Variants in DMXL1 observed in about 807,000 individuals in gnomAD.
The protein encoded by DMXL1 is dmX-like protein 1.
DMXL1 carries 99 observed loss-of-function variants against 319.2 expected under a neutral mutation model. That is an observed-to-expected ratio of 0.31 (90% CI 0.26 to 0.37). The LOEUF (loss-of-function observed/expected upper bound fraction) is 0.37. Among genes scored for constraint, DMXL1 ranks in the 10% least tolerant of loss-of-function variants. DMXL1 has a pLI of 1.00. For synonymous variants in DMXL1, 1,385 were observed against 1,235.2 expected (o/e 1.12, Z -2.54); for missense variants, 3,745 against 3,595.6 (o/e 1.04, Z -1.06).
rs1384720176 is a variant in DMXL1, at chr5:119,071,522, C to T, written c.-48C>T. On this transcript the variant is annotated 5_prime_UTR_variant, in exon 1 of 44. Transcript: ENST00000539542. ...GGAGGGAGGGAAGCAGCCGCTGACC[C>T]GTGGCATGAGCTGGATGCGGTGTCC... 13 of 1,544,892 alleles carry T rather than the reference C, an allele frequency of 8.4e-6. No homozygotes were observed. The highest frequency in any genetic ancestry group is 5.6e-5 in the Admixed American group (3 of 53,858).
chr5:119,080,326 G>A (rs755509695), intron 1 of DMXL1, among the ~76,000 whole-genome samples: 4 of 152,102 alleles, frequency 2.6e-5, no homozygotes, highest in African/African-American at 7.2e-5. Flanking sequence ...CATCCTGGGC[G>A]ACAGAGCAAG....
At chr5:119,195,218 C>T (rs1287170239) in intron 30 of DMXL1, among the ~76,000 whole-genome samples, 1 of 152,072 alleles carries the variant, frequency 6.6e-6, no homozygotes, top group Non-Finnish European at 1.5e-5. Context: ...ATAGAATTAC[C>T]ATATGATCCA....
intron 5 of DMXL1, among the ~76,000 whole-genome samples, chr5:119,113,498 C>A (rs1360493775): frequency 6.6e-6 from 1 of 152,218 alleles, no homozygotes; most frequent in Non-Finnish European, 1.5e-5. Context: ...ACTTCAGGCT[C>A]CCAAGGTGCT....
Position 119,170,228 on chromosome 5 carries a change from T to C in DMXL1, c.5437T>C (p.Phe1813Leu). The C allele has an allele frequency of 1.2e-6, 2 of 1,604,324 alleles. No individual in the cohort carries two copies. Among genetic ancestry groups the C allele is most frequent in the South Asian group, 2.3e-5 (2 of 88,076 alleles). Residue 1813 changes from phenylalanine to leucine, a missense_variant, in exon 24 of 44, where the codon TTC (phenylalanine) becomes CTC (leucine). By Grantham distance (22) the Phe-to-Leu change is conservative. Coordinates refer to ENST00000539542, the MANE Select transcript of DMXL1 (RefSeq NM_001290321.3). ...LSASNPTVFNFYNYLRTHPLL... is the reference protein window; with the variant it reads ...LSASNPTVFNLYNYLRTHPLL... ...AGCCAGTAATCCTACAGTTTTTAAT[T>C]TCTACAATTATCTAAGAACACATCC...
chr5:119,242,179 T>G (rs537398093), intron 42 of DMXL1, among the ~76,000 whole-genome samples: 1 of 152,336 alleles, frequency 6.6e-6, no homozygotes, highest in South Asian at 2.1e-4. Context: ...GTGGGTTGTC[T>G]GCAAGTTTTT....
At chr5:119,130,509 A>C (rs1482764475) in intron 10 of DMXL1, among the ~76,000 whole-genome samples, 1 of 151,908 alleles carries the variant, frequency 6.6e-6, no homozygotes, top group Non-Finnish European at 1.5e-5. Context: ...CACCTGGCTA[A>C]TTTTTTTATT....
At chr5:119,238,922 A>C in intron 40 of DMXL1, 67 bp from the exon 41 acceptor site, 2 of 1,584,722 alleles carry the variant, frequency 1.3e-6, no homozygotes, top group Admixed American at 3.5e-5. Context: ...CTTTTCGAAG[A>C]ATACATTTAC....
chr5:119,161,138 G>T (rs1269187141), intron 19 of DMXL1, among the ~76,000 whole-genome samples: 2 of 152,182 alleles, frequency 1.3e-5, no homozygotes, highest in African/African-American at 4.8e-5. Context: ...ATTATGCGTG[G>T]TTCAGCCTGA....
intron 17 of DMXL1, among the ~76,000 whole-genome samples, chr5:119,147,996 A>G (rs971468779): frequency 2.0e-5 from 3 of 152,184 alleles, no homozygotes; most frequent in East Asian, 1.9e-4. Flanking sequence ...TGGACTTACA[A>G]ACCTTTAAAG....
intron 3 of DMXL1, chr5:119,104,428 T>C (rs1757904955): frequency 6.6e-6 from 1 of 152,208 alleles, no homozygotes; most frequent in Non-Finnish European, 1.5e-5. Context: ...TGGGCACAGG[T>C]CTCGGAAATT....
intron 23 of DMXL1, among the ~76,000 whole-genome samples, chr5:119,169,665 A>T (rs1303206292): frequency 6.6e-6 from 1 of 152,194 alleles, no homozygotes; most frequent in South Asian, 2.1e-4. Context: ...AGGCCTTTGG[A>T]TATAGGAGTT....
chr5:119,184,284 G>A (rs1184078198), intron 28 of DMXL1, among the ~76,000 whole-genome samples: 1 of 151,968 alleles, frequency 6.6e-6, no homozygotes, highest in South Asian at 2.1e-4. Flanking sequence ...GGCTGGTCTT[G>A]GACTCCTGGA....
At chr5:119,243,961 G>A (rs1299955100) in intron 42 of DMXL1, among the ~76,000 whole-genome samples, 2 of 152,206 alleles carry the variant, frequency 1.3e-5, no homozygotes, top group African/African-American at 2.4e-5. Flanking sequence ...CTTGGAAACA[G>A]TTGAATCTGG....
At chr5:119,071,696 T>G in intron 1 of DMXL1, 40 bp downstream of exon 1, 2 of 1,540,458 alleles carry the variant, frequency 1.3e-6, no homozygotes, top group Non-Finnish European at 8.8e-7. Flanking sequence ...TGGCCCGGCC[T>G]TTGCCCGTCA....
chr5:119,105,979 G>A (rs888411831), intron 4 of DMXL1, among the ~76,000 whole-genome samples: 4 of 151,710 alleles, frequency 2.6e-5, no homozygotes, highest in Admixed American at 6.6e-5. Flanking sequence ...CCTCCAAAAT[G>A]ATGGATGGCT....
intron 23 of DMXL1, among the ~76,000 whole-genome samples, chr5:119,168,852 C>CCCCTTT (rs957688130): frequency 1.3e-5 from 2 of 151,972 alleles, no homozygotes; most frequent in Admixed American, 1.3e-4. Context: ...TGTGCCTGGC[C>CCCCTTT]CCCTTTCCCT....
intron 9 of DMXL1, among the ~76,000 whole-genome samples, chr5:119,126,322 G>A (rs1325969141): frequency 7.2e-5 from 11 of 152,104 alleles, no homozygotes. Context: ...AAGCATTATT[G>A]TATGTGCTGC....
chr5:119,240,455 C>A lies in DMXL1; in HGVS notation c.8688C>A (p.Ala2896=). ...VCLWDTLVAP[A]NSLVHAFTCH... is the part of the protein sequence containing the mutation. ...TGTGGGATACTCTTGTAGCACCTGC[C>A]AATAGTTTAGTCCATGGTAAGTTTT... is the stretch of plus-strand genomic sequence containing the variant. The change falls in exon 42 of 44, where the codon GCC becomes GCA. Residue 2896 remains alanine (A), a synonymous_variant. Coordinates refer to ENST00000539542, the MANE Select transcript of DMXL1 (RefSeq NM_001290321.3). 6.2e-7 allele frequency: 1 copy of A among 1,607,108 alleles called. No individual in the cohort carries two copies. The highest frequency in any genetic ancestry group is 8.5e-7 in the Non-Finnish European group (1 of 1,176,576).
intron 10 of DMXL1, among the ~76,000 whole-genome samples, chr5:119,130,425 C>G (rs1227396610): frequency 6.6e-6 from 1 of 152,090 alleles, no homozygotes; most frequent in Non-Finnish European, 1.5e-5. Context: ...TCACTGCAGC[C>G]TCCACCTCCC....
Sources: gnomAD v4.1 joint callset for allele counts (sites outside exome capture counted in the v4.1 genomes callset) on GRCh38, gnomAD v4.1.1 for gene constraint, MANE v1.5 for transcripts, NCBI Gene and HGNC (gene_info 2026-07-23, HGNC 2026-07-21) for gene names.